The following DLC1 variants were observed in gnomAD, a reference collection of about 807,000 sequenced individuals.
DLC1 encodes DLC1 Rho GTPase activating protein.
Under a neutral mutation model 140.3 loss-of-function variants are expected in DLC1, and 54 were observed. That is an observed-to-expected ratio of 0.38 (90% CI 0.31 to 0.48). The LOEUF is 0.48. DLC1 is among the 20% of genes least tolerant of loss of function. The pLI is 0.96. For missense variants in DLC1, 2,536 were observed against 1,907.0 expected, an observed-to-expected ratio of 1.33 and a Z score of -6.14; for synonymous variants, 986 against 728.1, an observed-to-expected ratio of 1.35 and a Z score of -5.70.
At chr8:13,559,781 C>T (rs1056627329) in intron 1 of DLC1, among the ~76,000 whole-genome samples, 1 of 152,130 alleles carries the variant, frequency 6.6e-6, no homozygotes, top group Non-Finnish European at 1.5e-5. Context: ...ATTAATGGCA[C>T]ATTTCTGTGT....
At chr8:13,450,369 C>G (rs1241776052) in intron 2 of DLC1, among the ~76,000 whole-genome samples, 2 of 142,948 alleles carry the variant, frequency 1.4e-5, no homozygotes, top group African/African-American at 5.1e-5. Context: ...GCACGAGAAT[C>G]ACTTGAACCC....
chr8:13,147,572 C>T (rs1054027284), intron 5 of DLC1, among the ~76,000 whole-genome samples: 4 of 152,186 alleles, frequency 2.6e-5, no homozygotes, highest in African/African-American at 9.7e-5. Flanking sequence ...TATAATGAAG[C>T]AGTTCTACTC....
At chr8:13,585,008 C>T (rs1805250358) in intron 1 of DLC1, among the ~76,000 whole-genome samples, 1 of 152,162 alleles carries the variant, frequency 6.6e-6, no homozygotes, top group African/African-American at 2.4e-5. Flanking sequence ...TTCATTTATT[C>T]ACTCAATAAA....
chr8:13,322,924 C>G (rs538228295), intron 4 of DLC1, among the ~76,000 whole-genome samples: 76 of 152,296 alleles, frequency 5.0e-4, no homozygotes, highest in Middle Eastern at 3.4e-3. Flanking sequence ...CCCTCTTGCA[C>G]TGTCTTTTGG....
chr8:13,245,081 G>A (rs916612534), intron 5 of DLC1, among the ~76,000 whole-genome samples: 7 of 152,282 alleles, frequency 4.6e-5, no homozygotes, highest in South Asian at 2.1e-4. Context: ...GATTTCTAAG[G>A]TTAGGTCAAA....
At chr8:13,372,404 A>G (rs1424809997) in intron 4 of DLC1, among the ~76,000 whole-genome samples, 1 of 152,204 alleles carries the variant, frequency 6.6e-6, no homozygotes, top group Non-Finnish European at 1.5e-5. Context: ...CACAAACAGA[A>G]GAACCGTTTG....
At chr8:13,203,071 C>T (rs1305670407) in intron 5 of DLC1, among the ~76,000 whole-genome samples, 2 of 152,180 alleles carry the variant, frequency 1.3e-5, no homozygotes, top group Non-Finnish European at 2.9e-5. Context: ...AAGTGGGATT[C>T]AGTCCTATGC....
intron 5 of DLC1, among the ~76,000 whole-genome samples, chr8:13,244,508 G>A (rs1195456769): frequency 6.6e-6 from 1 of 151,568 alleles, no homozygotes; most frequent in Admixed American, 6.6e-5. Flanking sequence ...TATGTTGCAC[G>A]GGCTGGTCTC....
At chr8:13,360,714 GTAA>G (rs1213370169) in intron 4 of DLC1, among the ~76,000 whole-genome samples, 4 of 151,488 alleles carry the variant, frequency 2.6e-5, no homozygotes, top group Non-Finnish European at 1.5e-5. Flanking sequence ...GATCATACAA[GTAA>G]TCCATGTCTT....
intron 5 of DLC1, among the ~76,000 whole-genome samples, chr8:13,224,056 G>C (rs1164198643): frequency 6.6e-6 from 1 of 152,154 alleles, no homozygotes; most frequent in Admixed American, 6.6e-5. Context: ...TACAGATTCT[G>C]AGGGAGTATG....
chr8:13,452,252 C>G (rs1304422117), intron 2 of DLC1, among the ~76,000 whole-genome samples: 2 of 151,416 alleles, frequency 1.3e-5, no homozygotes, highest in African/African-American at 4.8e-5. Flanking sequence ...TGTATAAAAA[C>G]TAACATTTTT....
At position 13,090,409 on chromosome 8, in the gene DLC1, G is replaced by C. The variant is rs150404537; in HGVS notation, c.3917C>G (p.Thr1306Ser). ...ACCCAGGTGCCCGAGTGCTTCCAGA[G>C]TGAGGGGCTTCAGCTCTTGTTCGGT... ...SYTEQELKPL[T>S]LEALGHLGND... Residue 1306 changes from threonine to serine, a missense_variant, in exon 15 of 18, where the codon ACT becomes AGT. By Grantham distance (58) the Thr-to-Ser change is moderately conservative. Transcript: ENST00000276297. 10 of 1,614,100 alleles carry C rather than the reference G, an allele frequency of 6.2e-6. No homozygotes were observed. The highest frequency in any genetic ancestry group is 8.5e-6 in the Non-Finnish European group (10 of 1,180,052).
In DLC1 at chr8:13,567,637, A is replaced by G. The variant is rs1046688888; in HGVS notation, c.-126+36900T>C. The G allele has an allele frequency of 1.2e-5, 19 of 1,551,662 alleles. No homozygotes were observed. In the East Asian group the frequency reaches 4.4e-4, roughly 36 times the overall value. On this transcript the variant is annotated intron_variant, in intron 1 of 1. Transcript: ENST00000631382. ...GGAGCTGGCCCTGTCTGCCTTTCTGAAACAAAAGAAGACTTTACTGGAGTC... is the reference window on the plus strand; with the variant it reads ...GGAGCTGGCCCTGTCTGCCTTTCTGGAACAAAAGAAGACTTTACTGGAGTC...
intron 5 of DLC1, among the ~76,000 whole-genome samples, chr8:13,249,219 G>A (rs1829898640): frequency 6.6e-6 from 1 of 152,156 alleles, no homozygotes; most frequent in Non-Finnish European, 1.5e-5. Flanking sequence ...TGGGATTACA[G>A]GCACCTGCAA....
At chr8:13,552,233 ATATATAT>A (rs1803892829) in intron 1 of DLC1, among the ~76,000 whole-genome samples, 1 of 146,744 alleles carries the variant, frequency 6.8e-6, no homozygotes, top group African/African-American at 2.5e-5. Context: ...ACAGATATAT[ATATATAT>A]ACCCCCATAC....
At chr8:13,573,236 A>AT (rs1421867775) in intron 1 of DLC1, among the ~76,000 whole-genome samples, 5 of 152,138 alleles carry the variant, frequency 3.3e-5, no homozygotes, top group African/African-American at 7.2e-5. Context: ...TGTAAATTAA[A>AT]TTTTTTTAAA....
chr8:13,594,647 A>T (rs976776015), intron 1 of DLC1, among the ~76,000 whole-genome samples: 2 of 152,212 alleles, frequency 1.3e-5, no homozygotes, highest in African/African-American at 4.8e-5. Flanking sequence ...TCTTTTCAAG[A>T]CAATATCCTG....
chr8:13,222,909 A>G (rs1170544286), intron 5 of DLC1, among the ~76,000 whole-genome samples: 1 of 152,004 alleles, frequency 6.6e-6, no homozygotes, highest in East Asian at 1.9e-4. Flanking sequence ...ATACCCAGCT[A>G]GTAATTTTTT....
chr8:13,369,515 C>T (rs184882412), intron 4 of DLC1, among the ~76,000 whole-genome samples: 68 of 152,228 alleles, frequency 4.5e-4, no homozygotes, highest in African/African-American at 1.6e-3. Context: ...TTGGGCACTC[C>T]AATTCAGTTT....
Sources: allele counts gnomAD v4.1 joint callset (sites outside exome capture counted in the v4.1 genomes callset), GRCh38; gene constraint gnomAD v4.1.1; transcripts MANE v1.5; gene names NCBI Gene and HGNC (gene_info 2026-07-23, HGNC 2026-07-21).